SNX4: variants seen among roughly 807,000 people sequenced by gnomAD.
SNX4 encodes the protein sorting nexin-4.
Under a neutral mutation model 70.8 loss-of-function variants are expected in SNX4, and 49 were observed. The observed-to-expected ratio is 0.69, with a 90% CI of 0.55 to 0.88. The LOEUF (loss-of-function observed/expected upper bound fraction) is 0.88, where lower values mean the gene tolerates loss of function less well. Among genes scored for constraint, SNX4 ranks in the 40% least tolerant of loss-of-function variants. The probability of loss-of-function intolerance (pLI) is 0.00; values close to 1 mark genes in which losing one functional copy is unlikely to be tolerated. For missense variants in SNX4, 528 were observed against 544.8 expected (o/e 0.97, Z 0.31); for synonymous variants, 206 against 183.8 (o/e 1.12, Z -0.98).
At chr3:125,497,414 A>G in intron 4 of SNX4, 26 bp from the exon 5 acceptor site, 1 of 1,401,410 alleles carries the variant, frequency 7.1e-7, no homozygotes, top group East Asian at 2.3e-5. Context: ...AATTTTAGAA[A>G]TCATTATTGC....
At chr3:125,515,213 G>A (rs778463728) in intron 1 of SNX4, among the ~76,000 whole-genome samples, 38 of 152,006 alleles carry the variant, frequency 2.5e-4, no homozygotes, top group African/African-American at 8.0e-4. Context: ...TTAGCCAGGC[G>A]TGGTGGCGTG....
At chr3:125,455,120 G>A (rs4679170) in intron 11 of SNX4, among the ~76,000 whole-genome samples, 25,832 of 151,822 alleles carry the variant, frequency 0.17, 2,240 homozygotes, top group Non-Finnish European at 0.19. Context: ...GTAAAGACAG[G>A]GTCTAGCTAT....
rs936804876 is a variant in SNX4 at position 125,511,609 on chromosome 3, TCAAATACACC to T, written c.142-6875_142-6866del. Among the ~76,000 whole-genome samples, 7 of 152,322 alleles carry T rather than the reference TCAAATACACC, an allele frequency of 4.6e-5. No homozygotes were observed. In the East Asian group the frequency reaches 9.6e-4, roughly 21 times the overall value. On this transcript the variant is annotated intron_variant, in intron 1 of 13. Coordinates refer to ENST00000251775, the MANE Select transcript of SNX4 (RefSeq NM_003794.4). ...GAAAGTGCATCACTGCAGAAAGGTT[TCAAATACACC>T]CAAACTAACTCCAAGTCTAAACAAG...
Position 125,498,118 on chromosome 3 carries a change from T to C in SNX4, c.340A>G (p.Arg114Gly), listed in dbSNP as rs755962371. 2.5e-6 allele frequency: 4 copies of C among 1,614,186 alleles called. No individual in the cohort carries two copies. In the South Asian group the frequency reaches 4.4e-5, roughly 18 times the overall value. The change falls in exon 3 of 14, where the codon AGA becomes GGA. Residue 114 changes from arginine (R) to glycine (G), a missense_variant. By Grantham distance (125) the Arg-to-Gly change is moderately radical. This residue lies in a region of SNX4 where 341 missense variants were observed against 312.2 expected (regional missense o/e 1.09). Coordinates refer to ENST00000251775, the MANE Select transcript of SNX4 (RefSeq NM_003794.4). ...WRRYSEFELL[R>G]SYLLVYYPHI... is the part of the protein sequence containing the mutation. Reference sequence around the variant, plus strand: ...GGATAGTAAACTAAAAGGTAGCTTCTCAACAACTCAAATTCACTATATCGC... The same window carrying C: ...GGATAGTAAACTAAAAGGTAGCTTCCCAACAACTCAAATTCACTATATCGC...
intron 1 of SNX4, among the ~76,000 whole-genome samples, chr3:125,509,488 A>G (rs1262318121): frequency 1.3e-5 from 2 of 152,120 alleles, no homozygotes; most frequent in African/African-American, 4.8e-5. Context: ...ATGGTGGCTC[A>G]CGCCTGTAAT....
chr3:125,449,458 A>G (rs1178075299), intron 13 of SNX4, among the ~76,000 whole-genome samples: 1 of 151,842 alleles, frequency 6.6e-6, no homozygotes, highest in Non-Finnish European at 1.5e-5. Context: ...AGAAGGTCTC[A>G]CTATGTTGCC....
intron 5 of SNX4, among the ~76,000 whole-genome samples, chr3:125,495,445 G>A (rs1580001039): frequency 6.6e-6 from 1 of 151,296 alleles, no homozygotes; most frequent in African/African-American, 2.4e-5. Context: ...AGACACATGG[G>A]TTTCCGAATT....
intron 8 of SNX4, among the ~76,000 whole-genome samples, chr3:125,474,394 T>G (rs965653509): frequency 6.6e-6 from 1 of 152,196 alleles, no homozygotes; most frequent in Non-Finnish European, 1.5e-5. Flanking sequence ...CATAGCTCAC[T>G]ATAACCTTGA....
rs1441795938 is a variant in SNX4, at chr3:125,520,152, G to A, written c.21C>T (p.Asp7=). ...GCGCCGGCTGGAGCTGCCGCTCGGG[G>A]TCCGGAGGTGCCTGCTCCATGGCTG... The part of the protein sequence containing the change: MEQAPP[D]PERQLQPAPL... The change falls in exon 1 of 14, where the codon GAC becomes GAT. Residue 7 remains aspartate (D), a synonymous_variant. Coordinates refer to ENST00000251775, the MANE Select transcript of SNX4 (RefSeq NM_003794.4). 4.2e-6 allele frequency: 6 copies of A among 1,431,588 alleles called. No individual in the cohort carries two copies. The highest frequency in any genetic ancestry group is 4.5e-6 in the Non-Finnish European group (5 of 1,099,354). 88.7% of individuals were successfully genotyped at this position (1,431,588 alleles called of 1,614,324 possible).
Position 125,458,242 on chromosome 3 carries a change from G to A in SNX4, c.945-877C>T, listed in dbSNP as rs966502008. On this transcript the variant is annotated intron_variant, in intron 10 of 13. Coordinates refer to ENST00000251775, the MANE Select transcript of SNX4 (RefSeq NM_003794.4). ...GGCTGGAGGGCAATGGTGCAATCTC[G>A]GCTAAATGCAACCTCTGCCTCCTGG... Among the ~76,000 whole-genome samples, 7 of 149,250 alleles carry A rather than the reference G, an allele frequency of 4.7e-5. No homozygotes were observed. In the South Asian group the frequency reaches 1.1e-3, roughly 23 times the overall value.
chr3:125,464,688 C>T (rs1933965927), intron 9 of SNX4, among the ~76,000 whole-genome samples: 1 of 147,270 alleles, frequency 6.8e-6, no homozygotes, highest in African/African-American at 2.5e-5. Context: ...CATCCCACTT[C>T]AGCCTCCCGA....
At chr3:125,500,003 T>G (rs1934888464) in intron 2 of SNX4, among the ~76,000 whole-genome samples, 1 of 151,754 alleles carries the variant, frequency 6.6e-6, no homozygotes, top group Admixed American at 6.6e-5. Context: ...GAGGTTGCAC[T>G]GAGCTGAGAT....
At chr3:125,518,460 T>G (rs919728152) in intron 1 of SNX4, among the ~76,000 whole-genome samples, 1 of 150,818 alleles carries the variant, frequency 6.6e-6, no homozygotes, top group Admixed American at 6.7e-5. Flanking sequence ...AGAACCTGTC[T>G]CAAAGAAAAA....
At chr3:125,503,240 A>G (rs1245531291) in intron 2 of SNX4, among the ~76,000 whole-genome samples, 1 of 152,194 alleles carries the variant, frequency 6.6e-6, no homozygotes, top group African/African-American at 2.4e-5. Context: ...CCGGCTATCA[A>G]CAATTCTCTC....
chr3:125,504,205 T>C (rs921010298), intron 2 of SNX4, among the ~76,000 whole-genome samples: 4 of 152,002 alleles, frequency 2.6e-5, no homozygotes, highest in Non-Finnish European at 4.4e-5. Context: ...TGGTAGCACA[T>C]GCCTGTAATC....
chr3:125,470,863 G>T lies in SNX4; in HGVS notation c.789-1344C>A, dbSNP rs1313079136. Among the ~76,000 whole-genome samples the T allele has an allele frequency of 2.6e-5, 4 of 152,044 alleles. 1 individual carries two copies. Among genetic ancestry groups the T allele is most frequent in the African/African-American group, 9.7e-5 (4 of 41,408 alleles). On this transcript the variant is annotated intron_variant, in intron 8 of 13. Coordinates refer to ENST00000251775, the MANE Select transcript of SNX4 (RefSeq NM_003794.4). ...CATAAGAGTTCCAAGCTAAAAAAAG[G>T]TTTGAAAATCACTGTCCTCATCTAC...
intron 7 of SNX4, 36 bp downstream of exon 7, chr3:125,480,211 T>C (rs764474826): frequency 1.5e-6 from 2 of 1,313,690 alleles, no homozygotes; most frequent in Non-Finnish European, 2.1e-6. Context: ...CACTTCCTTA[T>C]GCATGTGCAT....
intron 11 of SNX4, among the ~76,000 whole-genome samples, chr3:125,456,544 G>C (rs902440784): frequency 1.3e-5 from 2 of 152,134 alleles, no homozygotes; most frequent in Non-Finnish European, 2.9e-5. Context: ...CTACTCAAGA[G>C]GCTGAGGCAG....
intron 10 of SNX4, among the ~76,000 whole-genome samples, chr3:125,458,201 CTCACTCTG>C (rs1469363214): frequency 1.5e-5 from 2 of 130,588 alleles, no homozygotes; most frequent in Non-Finnish European, 3.1e-5. Context: ...GAGACAAGGT[CTCACTCTG>C]TCACCCAGGC....
Sources: allele counts gnomAD v4.1 joint callset (sites outside exome capture counted in the v4.1 genomes callset), GRCh38; gene constraint gnomAD v4.1.1; regional missense constraint gnomAD v4.1.1; transcripts MANE v1.5; gene names NCBI Gene and HGNC (gene_info 2026-07-23, HGNC 2026-07-21).